TTC6: variants seen among roughly 807,000 people sequenced by gnomAD.
The protein encoded by TTC6 is tetratricopeptide repeat domain 6, also known as tetratricopeptide repeat protein 6.
Under a neutral mutation model 210.4 loss-of-function variants are expected in TTC6, and 172 were observed. The observed-to-expected ratio is 0.82, with a 90% CI of 0.72 to 0.93. The LOEUF (loss-of-function observed/expected upper bound fraction) is 0.93. Ranked by LOEUF, TTC6 falls within the 40% of genes least tolerant of loss-of-function variation. TTC6 has a pLI of 0.00. For synonymous variants in TTC6, 804 were observed against 819.6 expected, an observed-to-expected ratio of 0.98 and a Z score of 0.32; for missense variants, 2,414 against 2,318.1, an observed-to-expected ratio of 1.04 and a Z score of -0.85.
intron 1 of TTC6, among the ~76,000 whole-genome samples, chr14:37,672,820 C>CTTTTTTTTTTTTTTTTTTTTTT (rs2095760882): frequency 1.7e-5 from 2 of 118,912 alleles, no homozygotes; most frequent in Non-Finnish European, 1.7e-5. Context: ...ATGAATTCCT[C>CTTTTTTTTTTTTTTTTTTTTTT]ATTTTTTTTT....
chr14:37,769,679 T>G (rs1461049960), intron 14 of TTC6, among the ~76,000 whole-genome samples: 1 of 150,558 alleles, frequency 6.6e-6, no homozygotes, highest in Non-Finnish European at 1.5e-5. Context: ...TGCATCTATT[T>G]GATTCTTCTC....
At chr14:37,623,096 G>T in intron 1 of TTC6, 93 bp downstream of exon 3, 1 of 862,392 alleles carries the variant, frequency 1.2e-6, no homozygotes, top group Non-Finnish European at 1.7e-6. Flanking sequence ...TAATATTTCA[G>T]TGCATAAGGT....
chr14:37,838,360 A>G (rs1429125743), intron 29 of TTC6, among the ~76,000 whole-genome samples: 1 of 152,182 alleles, frequency 6.6e-6, no homozygotes, highest in Non-Finnish European at 1.5e-5. Flanking sequence ...ATGCTATAAA[A>G]GTTACTTATT....
At chr14:37,784,605 C>A (rs1186088090) in intron 14 of TTC6, among the ~76,000 whole-genome samples, 1 of 152,140 alleles carries the variant, frequency 6.6e-6, no homozygotes, top group African/African-American at 2.4e-5. Flanking sequence ...TTAATTGGAG[C>A]ATTTAGCCCA....
At chr14:37,619,814 G>A (rs1049741744), upstream of TTC6, among the ~76,000 whole-genome samples, 4 of 150,944 alleles carry the variant, frequency 2.6e-5, no homozygotes, top group African/African-American at 9.8e-5. Flanking sequence ...GGCTAATCCA[G>A]CCTGTTTATT....
At position 37,838,017 on chromosome 14, in the gene TTC6, C is replaced by T. The variant is rs146240780; in HGVS notation, c.5299-3428C>T. On this transcript the variant is annotated intron_variant, in intron 29 of 30. Coordinates refer to ENST00000553443, the Ensembl canonical transcript of TTC6. ...AGGACATCTGCAACTTTAGCAACAACAGAATTCATGGAATAGGGGGAAATA... is the reference window on the plus strand; with the variant it reads ...AGGACATCTGCAACTTTAGCAACAATAGAATTCATGGAATAGGGGGAAATA... 2.0e-5 allele frequency among the ~76,000 whole-genome samples: 3 copies of T among 152,156 alleles called. No individual in the cohort carries two copies. In the East Asian group the frequency reaches 5.8e-4, roughly 29 times the overall value.
At chr14:37,824,722 T>C (rs1244189330) in intron 27 of TTC6, among the ~76,000 whole-genome samples, 2 of 152,058 alleles carry the variant, frequency 1.3e-5, no homozygotes, top group African/African-American at 2.4e-5. Flanking sequence ...CTAGCTTTGT[T>C]TGAGAGGTGA....
intron 3 of TTC6, among the ~76,000 whole-genome samples, chr14:37,690,031 T>C (rs1414783785): frequency 1.3e-5 from 2 of 152,118 alleles, no homozygotes; most frequent in African/African-American, 2.4e-5. Context: ...GTACCATAGA[T>C]ATAAATAGAA....
chr14:37,762,468 A>C (rs975118211), intron 14 of TTC6, among the ~76,000 whole-genome samples: 2 of 152,190 alleles, frequency 1.3e-5, no homozygotes, highest in Non-Finnish European at 2.9e-5. Flanking sequence ...CCTTTTCTCA[A>C]AATCCTCGCC....
intron 20 of TTC6, among the ~76,000 whole-genome samples, chr14:37,800,447 A>G (rs546200386): frequency 5.9e-5 from 9 of 152,200 alleles, no homozygotes; most frequent in Non-Finnish European, 8.8e-5. Flanking sequence ...GGACTTGCTT[A>G]TGAGGAAAAT....
exon 1 of TTC6, chr14:37,622,975 T>C: frequency 6.7e-7 from 1 of 1,493,846 alleles, no homozygotes; most frequent in Non-Finnish European, 8.9e-7. Context: ...CGGAGCGTCC[T>C]TGGCCAGAAC....
intron 25 of TTC6, among the ~76,000 whole-genome samples, chr14:37,812,918 G>A (rs1323305664): frequency 2.6e-5 from 4 of 152,104 alleles, no homozygotes; most frequent in African/African-American, 9.7e-5. Flanking sequence ...AAAAGTATAG[G>A]CAAGGTTTTC....
At chr14:37,680,726 G>A (rs17768466) in intron 2 of TTC6, among the ~76,000 whole-genome samples, 29,141 of 151,998 alleles carry the variant, frequency 0.19, 3,178 homozygotes, top group South Asian at 0.27. Flanking sequence ...ATAACCATTG[G>A]ATTCAAAGCA....
In TTC6 at chr14:37,823,818, C is replaced by G. The variant is rs1469000190; in HGVS notation, c.4835C>G (p.Ala1612Gly). 1.9e-6 allele frequency: 3 copies of G among 1,613,952 alleles called. No homozygotes were observed. The Middle Eastern group carries it at 4.9e-4, about 266-fold the overall frequency. The change falls in exon 27 of 31, where the codon GCT (alanine) becomes GGT (glycine). Residue 1612 changes from alanine (A) to glycine (G), a missense_variant. Coordinates refer to ENST00000553443, the Ensembl canonical transcript of TTC6. ...AAAATTAACCCATGTTTTCTGGATG[C>G]TTATGTTGGACGGGGAAATTCTTAC...
intron 22 of TTC6, 83 bp downstream of exon 24, chr14:37,806,593 A>G: frequency 7.7e-7 from 1 of 1,303,858 alleles, no homozygotes; most frequent in South Asian, 1.7e-5. Context: ...ATTGTTATTA[A>G]TTACCAACAA....
At chr14:37,745,450 T>C (rs2095933058) in intron 10 of TTC6, among the ~76,000 whole-genome samples, 1 of 152,144 alleles carries the variant, frequency 6.6e-6, no homozygotes, top group South Asian at 2.1e-4. Context: ...TCTTGGTGGA[T>C]AGTGATGTGA....
At chr14:37,653,166 C>G (rs188089218) in intron 1 of TTC6, among the ~76,000 whole-genome samples, 2 of 152,158 alleles carry the variant, frequency 1.3e-5, no homozygotes, top group African/African-American at 4.8e-5. Flanking sequence ...GCAGTGGCTC[C>G]GGCCTTTGCC....
intron 29 of TTC6, among the ~76,000 whole-genome samples, chr14:37,836,506 T>G (rs2096198177): frequency 6.6e-6 from 1 of 152,182 alleles, no homozygotes; most frequent in Non-Finnish European, 1.5e-5. Flanking sequence ...AGAAAAGTAT[T>G]TGGTTAGATC....
intron 7 of TTC6, among the ~76,000 whole-genome samples, chr14:37,734,843 T>A (rs1325923271): frequency 6.6e-6 from 1 of 152,212 alleles, no homozygotes; most frequent in Non-Finnish European, 1.5e-5. Flanking sequence ...CCATTGATTG[T>A]TAATAAGTTC....
Sources: allele counts gnomAD v4.1 joint callset (sites outside exome capture counted in the v4.1 genomes callset), GRCh38; gene constraint gnomAD v4.1.1; transcripts MANE v1.5; gene names NCBI Gene and HGNC (gene_info 2026-07-23, HGNC 2026-07-21).